The following OTUD7A variants were observed in gnomAD, a reference collection of about 807,000 sequenced individuals.
OTUD7A encodes OTU domain-containing protein 7A.
Under a neutral mutation model 65.7 loss-of-function variants are expected in OTUD7A, and 12 were observed. That is an observed-to-expected ratio of 0.18 (90% CI 0.12 to 0.30). The LOEUF (loss-of-function observed/expected upper bound fraction) is 0.30, where lower values mean the gene tolerates loss of function less well. Among genes scored for constraint, OTUD7A ranks in the 10% least tolerant of loss-of-function variants. OTUD7A has a pLI of 1.00. For synonymous variants in OTUD7A, 641 were observed against 586.3 expected, an observed-to-expected ratio of 1.09 and a Z score of -1.35; for missense variants, 1,148 against 1,304.8, an observed-to-expected ratio of 0.88 and a Z score of 1.85.
intron 1 of OTUD7A, among the ~76,000 whole-genome samples, chr15:31,684,265 G>C (rs1199422913): frequency 6.6e-6 from 1 of 152,078 alleles, no homozygotes; most frequent in Non-Finnish European, 1.5e-5. Context: ...AGCGGGAGTA[G>C]AGAAGCAGGA....
In OTUD7A at chr15:31,484,309, G is replaced by C; in HGVS notation, c.1787C>G (p.Pro596Arg). The change falls in exon 13 of 13, where the codon CCG (proline) becomes CGG (arginine). Residue 596 changes from proline (P) to arginine (R), a missense_variant. Physicochemically the swap from Pro to Arg is moderately radical, Grantham distance 103 (BLOSUM62 -2). Around this residue, in one of 6 missense-constraint regions of OTUD7A, gnomAD observed 842 missense variants for 769.5 expected, o/e 1.09. Coordinates refer to ENST00000307050, the MANE Select transcript of OTUD7A (RefSeq NM_001382637.1). This position sits in a 1 kb window ranked among gnomAD's most constrained non-coding sequence, Gnocchi z 4.5. ...GCCCGCTGCCTTGTCTGTGGGCGACGGCGTGGTCTTTTCCGACGGCGACGT... is the reference window on the plus strand; with the variant it reads ...GCCCGCTGCCTTGTCTGTGGGCGACCGCGTGGTCTTTTCCGACGGCGACGT... ...ASTSPSEKTT[P>R]SPTDKAAGAS... The C allele has an allele frequency of 2.5e-6, 4 of 1,597,374 alleles. No individual in the cohort carries two copies. The highest frequency in any genetic ancestry group is 3.4e-6 in the Non-Finnish European group (4 of 1,177,236).
intron 1 of OTUD7A, among the ~76,000 whole-genome samples, chr15:31,862,435 C>T (rs1313687799): frequency 1.3e-5 from 2 of 152,090 alleles, no homozygotes; most frequent in Non-Finnish European, 2.9e-5. Context: ...AAAGACATAC[C>T]CGAAACTGGG....
At chr15:31,639,246 G>A (rs1219119903) in intron 3 of OTUD7A, among the ~76,000 whole-genome samples, 7 of 152,134 alleles carry the variant, frequency 4.6e-5, no homozygotes, top group East Asian at 3.9e-4. Context: ...CTTTACATAA[G>A]TGGAATTGCA....
chr15:31,487,973 C>T lies in OTUD7A; in HGVS notation c.1172-407G>A, dbSNP rs1269415731. ...TCGTCCCAGAGAAGGGCCGAATGTG[C>T]AAGTCAGGTGAGCAAGGGTGTTGCT... is the stretch of plus-strand genomic sequence containing the variant. On this transcript the variant is annotated intron_variant, in intron 10 of 12. Coordinates refer to ENST00000307050, the MANE Select transcript of OTUD7A (RefSeq NM_001382637.1). The surrounding 1 kb of genome is among the most constrained non-coding windows in gnomAD (Gnocchi z 6.0). Among the ~76,000 whole-genome samples the T allele has an allele frequency of 6.6e-6, 1 of 152,168 alleles. No individual in the cohort carries two copies. The highest frequency in any genetic ancestry group is 1.5e-5 in the Non-Finnish European group (1 of 68,034).
rs1167301933 is a variant in OTUD7A, at chr15:31,498,412, G to C, written c.1171+3278C>G. 6.6e-6 allele frequency among the ~76,000 whole-genome samples: 1 copy of C among 152,160 alleles called. No homozygotes were observed. Among genetic ancestry groups the C allele is most frequent in the Non-Finnish European group, 1.5e-5 (1 of 68,028 alleles). On this transcript the variant is annotated intron_variant, in intron 10 of 12. Coordinates refer to ENST00000307050, the MANE Select transcript of OTUD7A (RefSeq NM_001382637.1). The surrounding 1 kb of genome is among the most constrained non-coding windows in gnomAD (Gnocchi z 4.2). ...ATGAATTTCATTTCAGGGTAATGAA[G>C]AGTACACTGGACAATGTTTGCTATA...
chr15:31,531,520 C>CAAAAAAAAAAAAAAAAAAAA (rs60332452), intron 5 of OTUD7A, among the ~76,000 whole-genome samples: 2 of 80,164 alleles, frequency 2.5e-5, no homozygotes, highest in Non-Finnish European at 4.9e-5. Flanking sequence ...GAGTAGGCCA[C>CAAAAAAAAAAAAAAAAAAAA]AAAAAAAAAA....
intron 3 of OTUD7A, among the ~76,000 whole-genome samples, chr15:31,647,339 G>C (rs542655389): frequency 6.6e-6 from 1 of 152,230 alleles, no homozygotes; most frequent in South Asian, 2.1e-4. Flanking sequence ...TGCTAAATCA[G>C]TGGCATGTGC....
intron 1 of OTUD7A, among the ~76,000 whole-genome samples, chr15:31,754,942 G>T (rs1299916051): frequency 6.6e-6 from 1 of 152,106 alleles, no homozygotes; most frequent in Non-Finnish European, 1.5e-5. Flanking sequence ...GGAATAACTG[G>T]TTGGTCTCCT....
intron 1 of OTUD7A, among the ~76,000 whole-genome samples, chr15:31,772,414 G>A (rs976290429): frequency 1.1e-4 from 17 of 152,068 alleles, no homozygotes; most frequent in African/African-American, 4.1e-4. Flanking sequence ...AGTTGGCAAG[G>A]GTACAGTGAG....
intron 1 of OTUD7A, among the ~76,000 whole-genome samples, chr15:31,835,990 A>T (rs1285926693): frequency 6.6e-6 from 1 of 152,026 alleles, no homozygotes; most frequent in Non-Finnish European, 1.5e-5. Flanking sequence ...TTTGAGTATC[A>T]TGTCAGCATT....
chr15:31,592,905 ATATATAT>A (rs575841120), intron 3 of OTUD7A, among the ~76,000 whole-genome samples: 748 of 32,190 alleles, frequency 0.023, 22 homozygotes, highest in African/African-American at 0.057. Context: ...AAAAAAAAAA[ATATATAT>A]ATATATATAT....
At chr15:31,854,203 T>C (rs1174494342) in intron 1 of OTUD7A, among the ~76,000 whole-genome samples, 1 of 152,204 alleles carries the variant, frequency 6.6e-6, no homozygotes, top group African/African-American at 2.4e-5. Context: ...CCCTCATTCT[T>C]TGGCTTATGG....
intron 1 of OTUD7A, among the ~76,000 whole-genome samples, chr15:31,870,123 G>A (rs1356952914): frequency 6.7e-6 from 1 of 149,990 alleles, no homozygotes; most frequent in Non-Finnish European, 1.5e-5. Flanking sequence ...CGCACGGACC[G>A]AGGGGTCGGT....
In OTUD7A at chr15:31,527,220, C is replaced by A. The variant is rs776228130; in HGVS notation, c.741G>T (p.Lys247Asn). Residue 247 changes from lysine (K) to asparagine (N), a missense_variant, in exon 7 of 13, where the codon AAG (lysine) becomes AAT (asparagine). Lys to Asn is a moderately conservative substitution (Grantham distance 94). Coordinates refer to ENST00000307050, the MANE Select transcript of OTUD7A (RefSeq NM_001382637.1). ...MRTGAEREAL[K>N]RRWRWQQTQQ... ...GCGTCTGCTGCCACCTCCACCTCCGCTTCAGGGCTTCCCTCTCAGCTCCCG... is the reference window on the plus strand; with the variant it reads ...GCGTCTGCTGCCACCTCCACCTCCGATTCAGGGCTTCCCTCTCAGCTCCCG... 1 of 1,614,224 alleles carries A rather than the reference C, an allele frequency of 6.2e-7. No homozygotes were observed. The highest frequency in any genetic ancestry group is 8.5e-7 in the Non-Finnish European group (1 of 1,180,046).
intron 8 of OTUD7A, among the ~76,000 whole-genome samples, chr15:31,513,680 G>C (rs1414315767): frequency 6.6e-6 from 1 of 152,218 alleles, no homozygotes. Context: ...TTATCAGGTT[G>C]TGTGAACTGC....
chr15:31,561,042 C>G (rs1447986793), intron 4 of OTUD7A, among the ~76,000 whole-genome samples: 1 of 152,186 alleles, frequency 6.6e-6, no homozygotes, highest in African/African-American at 2.4e-5. Flanking sequence ...TGTATTTTTC[C>G]CATTAAAATG....
intron 1 of OTUD7A, among the ~76,000 whole-genome samples, chr15:31,666,680 T>A (rs904273156): frequency 2.0e-5 from 3 of 152,046 alleles, no homozygotes; most frequent in African/African-American, 7.2e-5. Context: ...TGGGTTTGGG[T>A]TTGGTTTGTT....
intron 3 of OTUD7A, among the ~76,000 whole-genome samples, chr15:31,610,764 GGCGCCCGCCACC>G (rs1890393598): frequency 6.6e-6 from 1 of 150,972 alleles, no homozygotes; most frequent in Admixed American, 6.6e-5. Context: ...TGGGACTACA[GGCGCCCGCCACC>G]ACGCCTGGCT....
rs577858035 is a variant in OTUD7A, at chr15:31,719,932, G to A, written c.-99-62855C>T. ...GCCTCAGGCCTCGACCATCCTCCCC[G>A]TCTGGGGATAGCCCATGTCCCCTTC... On this transcript the variant is annotated intron_variant, in intron 1 of 12. Transcript: ENST00000307050. 1.5e-4 allele frequency among the ~76,000 whole-genome samples: 23 copies of A among 152,042 alleles called. No homozygotes were observed. The East Asian group carries it at 3.5e-3, about 23-fold the overall frequency.
Sources: allele counts gnomAD v4.1 joint callset (sites outside exome capture counted in the v4.1 genomes callset), GRCh38; gene constraint gnomAD v4.1.1; regional missense constraint gnomAD v4.1.1; non-coding constraint Gnocchi (gnomAD v3.1); transcripts MANE v1.5; gene names NCBI Gene and HGNC (gene_info 2026-07-23, HGNC 2026-07-21).